SERGEF: variants seen among roughly 807,000 people sequenced by gnomAD.
The protein encoded by SERGEF is secretion-regulating guanine nucleotide exchange factor.
SERGEF carries 51 observed loss-of-function variants against 50.0 expected under a neutral mutation model. The ratio of observed to expected loss-of-function variants is 1.02; its 90% confidence interval spans 0.81 to 1.29. The LOEUF is 1.29. Among genes scored for constraint, SERGEF ranks in the 50% most tolerant of loss-of-function variants. The probability of loss-of-function intolerance (pLI) is 0.00; values close to 1 mark genes in which losing one functional copy is unlikely to be tolerated. For missense variants in SERGEF, 521 were observed against 557.0 expected (o/e 0.94, Z 0.65); for synonymous variants, 205 against 212.4 (o/e 0.97, Z 0.30).
At chr11:17,964,144 G>A (rs1341644861) in intron 8 of SERGEF, among the ~76,000 whole-genome samples, 3 of 152,180 alleles carry the variant, frequency 2.0e-5, no homozygotes, top group African/African-American at 4.8e-5. Context: ...CCGCTAATGG[G>A]AATCATAAAA....
At chr11:17,822,137 T>C (rs1374817986) in intron 10 of SERGEF, among the ~76,000 whole-genome samples, 1 of 152,200 alleles carries the variant, frequency 6.6e-6, no homozygotes, top group Non-Finnish European at 1.5e-5. Context: ...AGCATCTGGC[T>C]CAGGCTGGGC....
chr11:17,970,854 GAAAA>G (rs1019619736), intron 8 of SERGEF, among the ~76,000 whole-genome samples: 2 of 151,944 alleles, frequency 1.3e-5, no homozygotes, highest in African/African-American at 4.8e-5. Context: ...GGGAACTGAG[GAAAA>G]AAAGATGGAA....
intron 9 of SERGEF, among the ~76,000 whole-genome samples, chr11:17,934,681 T>C (rs955761719): frequency 3.9e-5 from 6 of 152,202 alleles, no homozygotes; most frequent in African/African-American, 1.4e-4. Flanking sequence ...TTTGTACCTA[T>C]GGAAGAAAGA....
At chr11:17,914,419 ATTTAT>A in intron 9 of SERGEF, among the ~76,000 whole-genome samples, 1 of 151,226 alleles carries the variant, frequency 6.6e-6, no homozygotes, top group South Asian at 2.1e-4. Context: ...TATTTTTTTA[ATTTAT>A]TTTATTTTTT....
chr11:17,830,619 AGAGAGAGGGAAAGG>A (rs1197751482), intron 10 of SERGEF, among the ~76,000 whole-genome samples: 1 of 135,476 alleles, frequency 7.4e-6, no homozygotes, highest in African/African-American at 2.8e-5. Context: ...AGAGAGAGAG[AGAGAGAGGGAAAGG>A]GGGAGGGAGA....
intron 9 of SERGEF, among the ~76,000 whole-genome samples, chr11:17,935,800 G>A (rs1205194659): frequency 6.6e-6 from 1 of 152,038 alleles, no homozygotes; most frequent in African/African-American, 2.4e-5. Context: ...CTGCCCCCAT[G>A]GTACTTACAG....
chr11:17,861,899 C>T (rs1166697282), intron 10 of SERGEF, among the ~76,000 whole-genome samples: 2 of 152,254 alleles, frequency 1.3e-5, no homozygotes, highest in East Asian at 3.8e-4. Flanking sequence ...TACAAAGCCA[C>T]AAGATTGAAA....
chr11:17,902,203 A>C (rs1345778961), intron 9 of SERGEF, among the ~76,000 whole-genome samples: 4 of 81,200 alleles, frequency 4.9e-5, no homozygotes, highest in Non-Finnish European at 1.1e-4. Flanking sequence ...CACTTTGACA[A>C]ACCTATATGG....
intron 9 of SERGEF, among the ~76,000 whole-genome samples, chr11:17,951,738 G>A (rs1279459567): frequency 6.6e-6 from 1 of 152,146 alleles, no homozygotes; most frequent in African/African-American, 2.4e-5. Context: ...TGAGAGCCGG[G>A]TTCAAGTCCC....
chr11:17,868,188 G>A (rs559644578), intron 10 of SERGEF, among the ~76,000 whole-genome samples: 14 of 152,080 alleles, frequency 9.2e-5, no homozygotes, highest in Non-Finnish European at 1.8e-4. Flanking sequence ...GAAACTTTAT[G>A]CTCTGTTTCC....
intron 9 of SERGEF, among the ~76,000 whole-genome samples, chr11:17,924,842 T>C (rs904635907): frequency 2.0e-5 from 3 of 152,188 alleles, no homozygotes; most frequent in East Asian, 3.9e-4. Context: ...CTTCCTTCCA[T>C]GTTTGCTGTC....
chr11:17,810,991 A>G (rs1395429701), intron 10 of SERGEF, among the ~76,000 whole-genome samples: 1 of 152,136 alleles, frequency 6.6e-6, no homozygotes, highest in African/African-American at 2.4e-5. Flanking sequence ...CTCTTGGGAG[A>G]GCAGCTTCCA....
Position 17,905,037 on chromosome 11 carries a change from A to C in SERGEF, c.1012-26793T>G, listed in dbSNP as rs114302077. On this transcript the variant is annotated intron_variant, in intron 9 of 10. Coordinates refer to ENST00000265965, the MANE Select transcript of SERGEF (RefSeq NM_012139.4). Reference sequence around the variant, plus strand: ...AATTGGCCCTGAAAGATCCTACACAAATACTTCATTTGATTAGCAAACTTT... The same window carrying C: ...AATTGGCCCTGAAAGATCCTACACACATACTTCATTTGATTAGCAAACTTT... 8.1e-3 allele frequency among the ~76,000 whole-genome samples: 1,231 copies of C among 152,328 alleles called. 18 individuals are homozygous for C. Among genetic ancestry groups the C allele is most frequent in the African/African-American group, 0.028 (1,180 of 41,572 alleles).
chr11:17,964,444 G>A (rs1853077394), intron 8 of SERGEF, among the ~76,000 whole-genome samples: 1 of 152,318 alleles, frequency 6.6e-6, no homozygotes, highest in East Asian at 1.9e-4. Context: ...TTTCTACCCT[G>A]TTCTAGGGAA....
At chr11:18,012,889 A>G (rs1478434353) in intron 1 of SERGEF, 62 bp downstream of exon 1, 3 of 1,514,412 alleles carry the variant, frequency 2.0e-6, no homozygotes, top group Non-Finnish European at 2.6e-6. Flanking sequence ...CGCCGCGGCC[A>G]GCAGCTCCCA....
chr11:17,826,677 A>T (rs906340053), intron 10 of SERGEF, among the ~76,000 whole-genome samples: 6 of 152,222 alleles, frequency 3.9e-5, no homozygotes, highest in African/African-American at 7.2e-5. Flanking sequence ...TTAAAATAAT[A>T]AATTTATGTC....
At chr11:17,821,248 C>T (rs1424961948) in intron 10 of SERGEF, among the ~76,000 whole-genome samples, 4 of 152,150 alleles carry the variant, frequency 2.6e-5, no homozygotes, top group African/African-American at 7.2e-5. Context: ...AGAATAAATT[C>T]CTATCATAAA....
intron 6 of SERGEF, among the ~76,000 whole-genome samples, chr11:17,995,293 T>A (rs1281561222): frequency 6.6e-6 from 1 of 152,206 alleles, no homozygotes; most frequent in African/African-American, 2.4e-5. Flanking sequence ...GCTTCCTTTT[T>A]GGGAGAAGGA....
intron 10 of SERGEF, among the ~76,000 whole-genome samples, chr11:17,837,293 T>C (rs954729142): frequency 1.3e-5 from 2 of 152,130 alleles, no homozygotes; most frequent in Non-Finnish European, 2.9e-5. Context: ...AATGAATATT[T>C]ATTGAAAGCC....
Sources: allele counts gnomAD v4.1 joint callset (sites outside exome capture counted in the v4.1 genomes callset), GRCh38; gene constraint gnomAD v4.1.1; transcripts MANE v1.5; gene names NCBI Gene and HGNC (gene_info 2026-07-23, HGNC 2026-07-21).